Variants in TMC1 observed in about 807,000 individuals in gnomAD.
The protein encoded by TMC1 is transmembrane channel-like protein 1.
A neutral mutation model predicts 105.8 loss-of-function variants in TMC1; 84 were observed. That is an observed-to-expected ratio of 0.79 (90% CI 0.67 to 0.95). The LOEUF is 0.95. TMC1 is among the 40% of genes least tolerant of loss of function. TMC1 has a pLI of 0.00. For missense variants in TMC1, 817 were observed against 914.1 expected (o/e 0.89, Z 1.37); for synonymous variants, 315 against 311.5 (o/e 1.01, Z -0.12).
At chr9:72,564,393 C>T (rs539792260) in intron 1 of TMC1, among the ~76,000 whole-genome samples, 2 of 152,244 alleles carry the variant, frequency 1.3e-5, no homozygotes, top group East Asian at 3.9e-4. Context: ...TATTTTTCCA[C>T]TTTGAATAGT....
intron 1 of TMC1, among the ~76,000 whole-genome samples, chr9:72,536,342 C>CTTTTTTTTTTTTTTTT (rs759962747): frequency 6.6e-6 from 1 of 151,988 alleles, no homozygotes; most frequent in Non-Finnish European, 1.5e-5. Context: ...GGCAGACATT[C>CTTTTTTTTTTTTTTTT]TTTTTTTTGA....
chr9:72,633,102 A>G (rs893415786), intron 4 of TMC1, among the ~76,000 whole-genome samples: 4 of 152,178 alleles, frequency 2.6e-5, no homozygotes, highest in Non-Finnish European at 4.4e-5. Flanking sequence ...ACTTTGAACA[A>G]TGAGAATGTT....
intron 3 of TMC1, among the ~76,000 whole-genome samples, chr9:72,623,812 G>C (rs1261814706): frequency 6.6e-6 from 1 of 152,122 alleles, no homozygotes; most frequent in Admixed American, 6.5e-5. Context: ...AGGGTATAGA[G>C]TAAATGATAA....
intron 8 of TMC1, among the ~76,000 whole-genome samples, chr9:72,709,750 C>G (rs1381642324): frequency 6.6e-6 from 1 of 152,086 alleles, no homozygotes; most frequent in Non-Finnish European, 1.5e-5. Context: ...GATCTTCTCT[C>G]TTCTTTGCTT....
At chr9:72,622,976 C>T (rs571121499) in intron 3 of TMC1, among the ~76,000 whole-genome samples, 11 of 149,562 alleles carry the variant, frequency 7.4e-5, no homozygotes, top group Non-Finnish European at 1.6e-4. Context: ...CACTTGAACC[C>T]GGGTGTCGGA....
intron 2 of TMC1, among the ~76,000 whole-genome samples, chr9:72,611,398 A>G (rs1213859855): frequency 6.6e-6 from 1 of 152,246 alleles, no homozygotes; most frequent in Non-Finnish European, 1.5e-5. Context: ...GGTTGATAAG[A>G]CTTGGGAAAA....
chr9:72,740,078 C>T, intron 8 of TMC1, 41 bp from the exon 9 acceptor site: 1 of 1,511,538 alleles, frequency 6.6e-7, no homozygotes, highest in Non-Finnish European at 9.2e-7. Flanking sequence ...GTCATTGCAA[C>T]TCACCTCCTT....
At chr9:72,784,116 A>G (rs541909876) in intron 13 of TMC1, among the ~76,000 whole-genome samples, 29 of 152,268 alleles carry the variant, frequency 1.9e-4, no homozygotes, top group Non-Finnish European at 3.2e-4. Context: ...GAATTTATCA[A>G]CAGACTAAAC....
At chr9:72,778,816 C>G (rs774180881) in intron 13 of TMC1, among the ~76,000 whole-genome samples, 2 of 152,194 alleles carry the variant, frequency 1.3e-5, no homozygotes, top group Non-Finnish European at 2.9e-5. Context: ...AACTGGGGCA[C>G]TTCCTAAAGG....
intron 8 of TMC1, among the ~76,000 whole-genome samples, chr9:72,715,825 T>C (rs1334836985): frequency 6.6e-6 from 1 of 152,164 alleles, no homozygotes; most frequent in Non-Finnish European, 1.5e-5. Flanking sequence ...TGTGATCCTT[T>C]GGAGGAGAAG....
chr9:72,542,192 G>A (rs1823690408), intron 1 of TMC1, among the ~76,000 whole-genome samples: 1 of 152,146 alleles, frequency 6.6e-6, no homozygotes. Flanking sequence ...CCGGCGCGGT[G>A]GCTCGTGCCT....
intron 1 of TMC1, among the ~76,000 whole-genome samples, chr9:72,529,960 G>C (rs1564392329): frequency 6.6e-6 from 1 of 152,120 alleles, no homozygotes; most frequent in Non-Finnish European, 1.5e-5. Flanking sequence ...CTCTCTAATA[G>C]ATTTTGTCAG....
intron 5 of TMC1, among the ~76,000 whole-genome samples, chr9:72,658,920 A>G (rs1197813124): frequency 1.3e-5 from 2 of 152,248 alleles, no homozygotes; most frequent in African/African-American, 2.4e-5. Context: ...TTTCCAGGCA[A>G]TAGCCACAGA....
intron 2 of TMC1, among the ~76,000 whole-genome samples, chr9:72,607,028 A>G (rs13293707): frequency 4.2e-4 from 38 of 91,016 alleles, no homozygotes; most frequent in South Asian, 9.7e-4. Flanking sequence ...GAGAGAGAGA[A>G]AGAGAACTTA....
At chr9:72,617,052 T>C (rs1564447280) in intron 3 of TMC1, among the ~76,000 whole-genome samples, 1 of 152,208 alleles carries the variant, frequency 6.6e-6, no homozygotes, top group East Asian at 1.9e-4. Flanking sequence ...AGTTAAAAAT[T>C]AGACAGAGAT....
chr9:72,828,977 C>G (rs1021517330), intron 21 of TMC1, among the ~76,000 whole-genome samples: 7 of 152,200 alleles, frequency 4.6e-5, no homozygotes, highest in Non-Finnish European at 7.3e-5. Context: ...ACAAAACAGT[C>G]TGGCAGTCAT....
At position 72,585,600 on chromosome 9, in the gene TMC1, C is replaced by T. The variant is rs1369218160; in HGVS notation, c.-306+7577C>T. 1.8e-4 allele frequency among the ~76,000 whole-genome samples: 28 copies of T among 152,220 alleles called. 1 individual carries two copies. The highest frequency in any genetic ancestry group is 1.8e-3 in the Admixed American group (28 of 15,280). On this transcript the variant is annotated intron_variant, in intron 2 of 23. Coordinates refer to ENST00000297784, the MANE Select transcript of TMC1 (RefSeq NM_138691.3). ...AGAGGTCATGAGGATCAAGAGCATACAGAAGTTTGCAAAATAAAGAGTTTC... is the reference window on the plus strand; with the variant it reads ...AGAGGTCATGAGGATCAAGAGCATATAGAAGTTTGCAAAATAAAGAGTTTC...
At chr9:72,540,184 T>G (rs2132063650) in intron 1 of TMC1, among the ~76,000 whole-genome samples, 1 of 152,270 alleles carries the variant, frequency 6.6e-6, no homozygotes, top group East Asian at 1.9e-4. Context: ...AACATTGGGA[T>G]CAAATTTCAA....
chr9:72,653,887 G>C (rs1825848390), intron 5 of TMC1, among the ~76,000 whole-genome samples: 1 of 152,192 alleles, frequency 6.6e-6, no homozygotes, highest in African/African-American at 2.4e-5. Context: ...GAAATGTACA[G>C]TAAGTACTCT....
Sources: gnomAD v4.1 joint callset for allele counts (sites outside exome capture counted in the v4.1 genomes callset) on GRCh38, gnomAD v4.1.1 for gene constraint, MANE v1.5 for transcripts, NCBI Gene and HGNC (gene_info 2026-07-23, HGNC 2026-07-21) for gene names.